PIAS1: variants seen among roughly 807,000 people sequenced by gnomAD.
The protein encoded by PIAS1 is E3 SUMO-protein ligase PIAS1.
Under a neutral mutation model 71.3 loss-of-function variants are expected in PIAS1, and 6 were observed. The ratio of observed to expected loss-of-function variants is 0.08; its 90% confidence interval spans 0.05 to 0.17. PIAS1 has a LOEUF of 0.17. Ranked by LOEUF, PIAS1 falls within the 10% of genes least tolerant of loss-of-function variation. PIAS1 has a pLI of 1.00. For synonymous variants in PIAS1, 303 were observed against 292.9 expected (o/e 1.03, Z -0.35); for missense variants, 555 against 793.6 (o/e 0.70, Z 3.61).
At chr15:68,101,942 C>T (rs928433551) in intron 2 of PIAS1, among the ~76,000 whole-genome samples, 9 of 152,058 alleles carry the variant, frequency 5.9e-5, no homozygotes, top group Admixed American at 1.3e-4. Context: ...TTTGTAGAGA[C>T]GGGATCTGGT....
chr15:68,154,621 A>G (rs2092874643), intron 7 of PIAS1, among the ~76,000 whole-genome samples: 1 of 152,220 alleles, frequency 6.6e-6, no homozygotes. Flanking sequence ...TGGCAGAGTA[A>G]AAGATCCCAC....
chr15:68,173,774 T>C lies in PIAS1; in HGVS notation c.1051T>C (p.Cys351Arg). 6.3e-7 allele frequency: 1 copy of C among 1,584,130 alleles called. No homozygotes were observed. Among genetic ancestry groups the C allele is most frequent in the Non-Finnish European group, 8.6e-7 (1 of 1,159,322 alleles). Residue 351 changes from cysteine to arginine, a missense_variant, in exon 9 of 14, where the codon TGT (cysteine) becomes CGT (arginine). Around this residue, in one of 5 missense-constraint regions of PIAS1, gnomAD observed 49 missense variants for 129.2 expected, o/e 0.38. Transcript: ENST00000249636. This position sits in a 1 kb window ranked among gnomAD's most constrained non-coding sequence, Gnocchi z 4.3. ...RLTIPCRALT[C>R]SHLQCFDATL... ...GACAATTCCGTGTCGGGCCCTTACATGTTCTCATCTACAATGTTTTGACGC... is the reference window on the plus strand; with the variant it reads ...GACAATTCCGTGTCGGGCCCTTACACGTTCTCATCTACAATGTTTTGACGC...
At chr15:68,165,836 T>A (rs1039184782) in intron 8 of PIAS1, among the ~76,000 whole-genome samples, 11 of 152,164 alleles carry the variant, frequency 7.2e-5, no homozygotes, top group African/African-American at 2.7e-4. Context: ...ATCAAACTAA[T>A]CATATTTTAA....
intron 1 of PIAS1, among the ~76,000 whole-genome samples, chr15:68,081,001 T>C (rs1026174222): frequency 2.0e-5 from 3 of 152,222 alleles, no homozygotes; most frequent in African/African-American, 7.2e-5. Flanking sequence ...AGGTCACAGC[T>C]AATGAGACAA....
chr15:68,054,492 G>T lies in PIAS1; in HGVS notation c.24+142G>T. On this transcript the variant is annotated intron_variant, in intron 1 of 13. Coordinates refer to ENST00000249636, the MANE Select transcript of PIAS1 (RefSeq NM_016166.3). This position sits in a 1 kb window ranked among gnomAD's most constrained non-coding sequence, Gnocchi z 4.6. ...GAGTTGTAGGGAGAGAGGCGCGCCCGGTCTCAGCAGAGGGGGCCCGCCTGC... is the reference window on the plus strand; with the variant it reads ...GAGTTGTAGGGAGAGAGGCGCGCCCTGTCTCAGCAGAGGGGGCCCGCCTGC... 3 of 842,750 alleles carry T rather than the reference G, an allele frequency of 3.6e-6. No homozygotes were observed. Among genetic ancestry groups the T allele is most frequent in the Middle Eastern group, 3.5e-4 (1 of 2,834 alleles). 52.2% of individuals were successfully genotyped at this position (842,750 alleles called of 1,614,324 possible).
chr15:68,090,927 G>GGTGTGT (rs10667510), intron 2 of PIAS1, among the ~76,000 whole-genome samples: 7,854 of 142,780 alleles, frequency 0.055, 262 homozygotes, highest in Middle Eastern at 0.11. Flanking sequence ...GTCATTTACG[G>GGTGTGT]GTGTGTGTGT....
chr15:68,055,252 T>TC (rs2140946772), intron 1 of PIAS1: 4 of 976,562 alleles, frequency 4.1e-6, no homozygotes, highest in Non-Finnish European at 4.9e-6. Context: ...CGTGTTTATA[T>TC]CCCCCCATTG....
At chr15:68,133,463 C>A (rs919537944) in intron 2 of PIAS1, among the ~76,000 whole-genome samples, 7 of 151,774 alleles carry the variant, frequency 4.6e-5, no homozygotes, top group African/African-American at 1.7e-4. Flanking sequence ...AAAAACCTAA[C>A]TATAAGATAA....
intron 13 of PIAS1, 67 bp downstream of exon 13, chr15:68,183,734 G>T (rs2093070424): frequency 1.5e-6 from 1 of 666,428 alleles, no homozygotes; most frequent in South Asian, 1.7e-5. Flanking sequence ...GCCACATAAT[G>T]ACATTTTGGT....
rs867436995 is a variant in PIAS1, at chr15:68,187,109, T to G, written c.1663-433T>G. On this transcript the variant is annotated intron_variant, in intron 13 of 13. Transcript: ENST00000249636. This position sits in a 1 kb window ranked among gnomAD's most constrained non-coding sequence, Gnocchi z 5.3. ...CTTTCAGTGGTGCCTGAGTGTATAA[T>G]AAGAACAGTGTCTGTTGGTTTCCAG... is the stretch of plus-strand genomic sequence containing the variant. Among the ~76,000 whole-genome samples the G allele has an allele frequency of 2.6e-5, 4 of 152,220 alleles. No homozygotes were observed. Among genetic ancestry groups the G allele is most frequent in the Non-Finnish European group, 5.9e-5 (4 of 68,042 alleles).
chr15:68,169,033 T>C (rs1413161340), intron 8 of PIAS1, among the ~76,000 whole-genome samples: 1 of 152,152 alleles, frequency 6.6e-6, no homozygotes, highest in Non-Finnish European at 1.5e-5. Context: ...TTATTTCTTA[T>C]CATCTTATCT....
chr15:68,137,234 A>G (rs1050984852), intron 2 of PIAS1, among the ~76,000 whole-genome samples: 3 of 152,360 alleles, frequency 2.0e-5, no homozygotes, highest in East Asian at 1.9e-4. Context: ...AAGCCCAAAG[A>G]TATCCACAGA....
At chr15:68,082,073 G>A (rs2092234482) in intron 1 of PIAS1, among the ~76,000 whole-genome samples, 1 of 152,088 alleles carries the variant, frequency 6.6e-6, no homozygotes, top group Non-Finnish European at 1.5e-5. Context: ...ATAAGGAAAG[G>A]CCTTCAAAAT....
At chr15:68,172,304 A>T (rs572410568) in intron 8 of PIAS1, among the ~76,000 whole-genome samples, 5 of 152,312 alleles carry the variant, frequency 3.3e-5, no homozygotes, top group African/African-American at 1.2e-4. Context: ...TTCTTAATTC[A>T]GTCTATCATT....
Position 68,174,625 on chromosome 15 carries a change from C to T in PIAS1, c.1169+733C>T, listed in dbSNP as rs2093011150. On this transcript the variant is annotated intron_variant, in intron 9 of 13. Coordinates refer to ENST00000249636, the MANE Select transcript of PIAS1 (RefSeq NM_016166.3). This position sits in a 1 kb window ranked among gnomAD's most constrained non-coding sequence, Gnocchi z 4.0. ...GCTCAAGTGATCCTCCTGCCTTGGC[C>T]TCCCAAAGTACTGAGATTACAGGCA... Among the ~76,000 whole-genome samples, 1 of 152,150 alleles carries T rather than the reference C, an allele frequency of 6.6e-6. No individual in the cohort carries two copies. The highest frequency in any genetic ancestry group is 1.5e-5 in the Non-Finnish European group (1 of 68,036).
chr15:68,068,960 A>G (rs2092061690), intron 1 of PIAS1, among the ~76,000 whole-genome samples: 1 of 142,958 alleles, frequency 7.0e-6, no homozygotes, highest in South Asian at 2.2e-4. Context: ...CAGTGGCACA[A>G]TATTGGCTCA....
At chr15:68,079,673 A>G (rs1035883440) in intron 1 of PIAS1, among the ~76,000 whole-genome samples, 3 of 151,416 alleles carry the variant, frequency 2.0e-5, no homozygotes, top group African/African-American at 7.3e-5. Context: ...GAGATGAGGT[A>G]TTGCTGTATT....
chr15:68,156,216 G>A (rs1235701949), intron 7 of PIAS1, among the ~76,000 whole-genome samples: 1 of 152,182 alleles, frequency 6.6e-6, no homozygotes, highest in East Asian at 1.9e-4. Flanking sequence ...AATTGCACAA[G>A]TCATTAATGA....
chr15:68,182,490 C>CATGTGTGTGTGTGT (rs142487547), intron 12 of PIAS1, among the ~76,000 whole-genome samples: 1 of 123,280 alleles, frequency 8.1e-6, no homozygotes, highest in African/African-American at 3.2e-5. Flanking sequence ...GCTCAGGCTG[C>CATGTGTGTGTGTGT]GTGTGTGTGT....
Sources: gnomAD v4.1 joint callset for allele counts (sites outside exome capture counted in the v4.1 genomes callset) on GRCh38, gnomAD v4.1.1 for gene constraint, gnomAD v4.1.1 regional missense constraint, Gnocchi (gnomAD v3.1) non-coding constraint, MANE v1.5 for transcripts, NCBI Gene and HGNC (gene_info 2026-07-23, HGNC 2026-07-21) for gene names.